Variants in ROBO1 observed in about 807,000 individuals in gnomAD.
ROBO1 encodes the protein roundabout guidance receptor 1.
In ROBO1, 149 loss-of-function variants were observed where a neutral mutation model predicts 195.9. The ratio of observed to expected loss-of-function variants is 0.76; its 90% CI spans 0.67 to 0.87. ROBO1 has a LOEUF of 0.87. Among genes scored for constraint, ROBO1 ranks in the 40% least tolerant of loss-of-function variants. ROBO1 has a pLI of 0.00. For missense variants in ROBO1, 1,933 were observed against 2,068.3 expected (o/e 0.93, Z 1.27); for synonymous variants, 816 against 733.2 (o/e 1.11, Z -1.82).
At position 79,227,778 on chromosome 3, in the gene ROBO1, A is replaced by G. The variant is rs575766798; in HGVS notation, c.89-102239T>C. On this transcript the variant is annotated intron_variant, in intron 2 of 30. Transcript: ENST00000464233. ...GTAATGTCAAAGAAACAAACGGGTCAATATACTTTATGGGTGAATAGTTTT... is the reference window on the plus strand; with the variant it reads ...GTAATGTCAAAGAAACAAACGGGTCGATATACTTTATGGGTGAATAGTTTT... 2.6e-5 allele frequency among the ~76,000 whole-genome samples: 4 copies of G among 152,322 alleles called. No homozygotes were observed. In the South Asian group the frequency reaches 8.3e-4, roughly 32 times the overall value.
intron 1 of ROBO1, among the ~76,000 whole-genome samples, chr3:79,630,970 T>C (rs1945323067): frequency 2.0e-5 from 3 of 151,784 alleles, no homozygotes; most frequent in Admixed American, 2.0e-4. Flanking sequence ...GGAAAGACAT[T>C]GGGATGACAA....
intron 1 of ROBO1, among the ~76,000 whole-genome samples, chr3:79,720,991 A>C (rs1702676049): frequency 6.6e-6 from 1 of 152,014 alleles, no homozygotes; most frequent in Non-Finnish European, 1.5e-5. Flanking sequence ...ACAGGTTTTC[A>C]TCGTGTTAGC....
intron 4 of ROBO1, among the ~76,000 whole-genome samples, chr3:78,931,810 A>T (rs1368422491): frequency 6.6e-6 from 1 of 152,176 alleles, no homozygotes; most frequent in Non-Finnish European, 1.5e-5. Flanking sequence ...CACAAAAAGT[A>T]AAAACAAAAC....
chr3:79,733,331 A>C (rs907229725), intron 1 of ROBO1, among the ~76,000 whole-genome samples: 6 of 152,184 alleles, frequency 3.9e-5, no homozygotes, highest in African/African-American at 1.4e-4. Context: ...ATTGTTAGTG[A>C]GATATTGTTG....
At chr3:79,160,169 C>T (rs2080930355) in intron 2 of ROBO1, among the ~76,000 whole-genome samples, 1 of 151,616 alleles carries the variant, frequency 6.6e-6, no homozygotes, top group Non-Finnish European at 1.5e-5. Context: ...GTAAATTATA[C>T]CATAATAATT....
At chr3:79,116,447 C>T (rs1349345851) in intron 3 of ROBO1, among the ~76,000 whole-genome samples, 2 of 147,496 alleles carry the variant, frequency 1.4e-5, no homozygotes, top group Admixed American at 6.8e-5. Flanking sequence ...CTTTCCTTTC[C>T]CTTTCCCTTT....
intron 2 of ROBO1, among the ~76,000 whole-genome samples, chr3:79,129,899 G>C (rs2080295030): frequency 7.0e-6 from 1 of 142,786 alleles, no homozygotes; most frequent in Admixed American, 7.2e-5. Context: ...TTCTACATAT[G>C]GCTAGCCAGT....
chr3:79,559,752 A>G (rs996652002), intron 2 of ROBO1, among the ~76,000 whole-genome samples: 1 of 152,046 alleles, frequency 6.6e-6, no homozygotes, highest in Non-Finnish European at 1.5e-5. Flanking sequence ...CCCCGTCTCT[A>G]CTAAAAACAC....
intron 22 of ROBO1, among the ~76,000 whole-genome samples, chr3:78,636,958 T>TGGCCTGC (rs1705551764): frequency 7.4e-6 from 1 of 134,262 alleles, no homozygotes; most frequent in Non-Finnish European, 1.6e-5. Flanking sequence ...TATATATATA[T>TGGCCTGC]ATATATATAT....
At chr3:78,886,953 C>T (rs1366124394) in intron 4 of ROBO1, among the ~76,000 whole-genome samples, 1 of 151,886 alleles carries the variant, frequency 6.6e-6, no homozygotes, top group Non-Finnish European at 1.5e-5. Context: ...CATAAATGTG[C>T]CTAATTGTTA....
intron 2 of ROBO1, among the ~76,000 whole-genome samples, chr3:79,311,179 A>G (rs1163760448): frequency 6.6e-6 from 1 of 152,164 alleles, no homozygotes; most frequent in African/African-American, 2.4e-5. Flanking sequence ...AGTTGTGAGC[A>G]GTAGCTGAGG....
intron 3 of ROBO1, among the ~76,000 whole-genome samples, chr3:78,962,214 T>A (rs2041386843): frequency 2.0e-5 from 3 of 152,176 alleles, no homozygotes; most frequent in Admixed American, 2.0e-4. Flanking sequence ...AAAGAAGAGA[T>A]GTTCTTTGCC....
At chr3:78,864,663 T>C (rs1348184191) in intron 4 of ROBO1, among the ~76,000 whole-genome samples, 2 of 151,922 alleles carry the variant, frequency 1.3e-5, no homozygotes, top group Non-Finnish European at 2.9e-5. Context: ...TCATGAGAAT[T>C]TATACCTCTC....
intron 4 of ROBO1, among the ~76,000 whole-genome samples, chr3:78,813,894 G>A (rs907801821): frequency 1.3e-5 from 2 of 151,928 alleles, no homozygotes; most frequent in Non-Finnish European, 2.9e-5. Context: ...ATTAATTACA[G>A]GGATCTTGTC....
At chr3:79,579,079 C>T (rs987278815) in intron 2 of ROBO1, among the ~76,000 whole-genome samples, 7 of 152,126 alleles carry the variant, frequency 4.6e-5, no homozygotes, top group African/African-American at 1.7e-4. Context: ...TATTAGATGG[C>T]ATCTTGCAAT....
intron 3 of ROBO1, among the ~76,000 whole-genome samples, chr3:78,967,032 C>T (rs746348220): frequency 3.9e-5 from 6 of 152,148 alleles, no homozygotes; most frequent in African/African-American, 7.2e-5. Flanking sequence ...CCAAATGTAA[C>T]GTACCTAGCA....
At chr3:79,469,214 A>T (rs1431263660) in intron 2 of ROBO1, among the ~76,000 whole-genome samples, 1 of 152,194 alleles carries the variant, frequency 6.6e-6, no homozygotes, top group African/African-American at 2.4e-5. Flanking sequence ...GTGAGTATGT[A>T]AGTTATCAAG....
At chr3:78,734,629 C>T (rs1420690131) in intron 5 of ROBO1, among the ~76,000 whole-genome samples, 1 of 150,816 alleles carries the variant, frequency 6.6e-6, no homozygotes, top group Non-Finnish European at 1.5e-5. Flanking sequence ...AAAAAAAAAC[C>T]TCCAGAATCA....
chr3:79,296,635 GA>G (rs2109045354), intron 2 of ROBO1, among the ~76,000 whole-genome samples: 1 of 152,196 alleles, frequency 6.6e-6, no homozygotes, highest in South Asian at 2.1e-4. Context: ...TATCTTAAAG[GA>G]ATTTAAGGAC....
Sources: gnomAD v4.1 joint callset for allele counts (sites outside exome capture counted in the v4.1 genomes callset) on GRCh38, gnomAD v4.1.1 for gene constraint, MANE v1.5 for transcripts, NCBI Gene and HGNC (gene_info 2026-07-23, HGNC 2026-07-21) for gene names.